LSP1: variants seen among roughly 807,000 people sequenced by gnomAD.
The protein encoded by LSP1 is lymphocyte-specific protein 1.
In LSP1, 32 loss-of-function variants were observed where a neutral mutation model predicts 49.3. The ratio of observed to expected loss-of-function variants is 0.65; its 90% CI spans 0.49 to 0.87. The LOEUF (loss-of-function observed/expected upper bound fraction) is 0.87, where lower values mean the gene tolerates loss of function less well. Ranked by LOEUF, LSP1 falls within the 40% of genes least tolerant of loss-of-function variation. LSP1 has a pLI of 0.00. For synonymous variants in LSP1, 179 were observed against 178.8 expected (o/e 1.00, Z -0.01); for missense variants, 428 against 442.6 (o/e 0.97, Z 0.30).
intron 1 of LSP1, among the ~76,000 whole-genome samples, chr11:1,860,665 T>C (rs1037536956): frequency 5.9e-5 from 9 of 152,256 alleles, no homozygotes; most frequent in African/African-American, 2.2e-4. Context: ...GCTGATTATA[T>C]ATATTCCTAT....
Position 1,884,269 on chromosome 11 carries a change from A to C in LSP1, c.592-11A>C, listed in dbSNP as rs1589830222. The C allele has an allele frequency of 1.2e-6, 2 of 1,613,414 alleles. No homozygotes were observed. Among genetic ancestry groups the C allele is most frequent in the Non-Finnish European group, 1.7e-6 (2 of 1,179,850 alleles). On this transcript the variant is annotated splice_polypyrimidine_tract_variant and intron_variant, in intron 5 of 10. Coordinates refer to ENST00000311604, the MANE Select transcript of LSP1 (RefSeq NM_002339.3). This position sits in a 1 kb window ranked among gnomAD's most constrained non-coding sequence, Gnocchi z 4.1. Reference sequence around the variant, plus strand: ...CTGCTGCAGGCCTGTGTCTCTCTCCACCCTCTGCAGCTCATCGACAGGACC... The same window carrying C: ...CTGCTGCAGGCCTGTGTCTCTCTCCCCCCTCTGCAGCTCATCGACAGGACC...
chr11:1,890,004 G>C (rs972537740), intron 10 of LSP1: 1 of 662,230 alleles, frequency 1.5e-6, no homozygotes. Context: ...GGGAGGCTCA[G>C]GGGTCCCATT....
chr11:1,889,308 G>C, intron 10 of LSP1: 1 of 706,876 alleles, frequency 1.4e-6, no homozygotes. Flanking sequence ...GCTGGCTGGG[G>C]TGTGCTCCCC....
chr11:1,889,972 A>T (rs1848924076), intron 10 of LSP1: 2 of 631,476 alleles, frequency 3.2e-6, no homozygotes, highest in Non-Finnish European at 5.8e-6. Context: ...TGGCTGTTGG[A>T]TCCCACTTCT....
intron 1 of LSP1, among the ~76,000 whole-genome samples, chr11:1,858,047 C>T (rs763577031): frequency 1.4e-4 from 22 of 152,200 alleles, no homozygotes; most frequent in African/African-American, 2.4e-5. Context: ...TGAACCACCG[C>T]GCCCTGCCTT....
In LSP1 at chr11:1,882,657, G is replaced by A. The variant is rs538358848; in HGVS notation, c.357-762G>A. Among the ~76,000 whole-genome samples the A allele has an allele frequency of 1.8e-3, 279 of 152,238 alleles. 1 individual carries two copies. The highest frequency in any genetic ancestry group is 0.018 in the Admixed American group (271 of 15,292). On this transcript the variant is annotated intron_variant, in intron 3 of 10. Coordinates refer to ENST00000311604, the MANE Select transcript of LSP1 (RefSeq NM_002339.3). Reference sequence around the variant, plus strand: ...TGACTCTTCCGTGGAGCCCAGCTCTGCGGCCGCCACCCCACCCCCTGCACC... The same window carrying A: ...TGACTCTTCCGTGGAGCCCAGCTCTACGGCCGCCACCCCACCCCCTGCACC...
At chr11:1,865,484 T>C (rs147777600) in intron 1 of LSP1, among the ~76,000 whole-genome samples, 127 of 151,568 alleles carry the variant, frequency 8.4e-4, no homozygotes, top group Middle Eastern at 6.8e-3. Context: ...GCCCATGCAT[T>C]CTCCTTCCCC....
At chr11:1,869,514 G>A (rs991459396) in intron 1 of LSP1, 4 of 406,300 alleles carry the variant, frequency 9.8e-6, no homozygotes, top group East Asian at 7.3e-5. Context: ...GCTGAGGTGC[G>A]AATGGAAGCT....
intron 7 of LSP1, among the ~76,000 whole-genome samples, chr11:1,885,209 C>T (rs1848706450): frequency 6.6e-6 from 1 of 151,768 alleles, no homozygotes; most frequent in African/African-American, 2.4e-5. Flanking sequence ...CTGACCAATA[C>T]CCTCCATCCA....
intron 1 of LSP1, chr11:1,865,289 A>G (rs1291078838): frequency 6.2e-6 from 6 of 965,664 alleles, no homozygotes; most frequent in Non-Finnish European, 7.4e-6. Context: ...CTGGCTGGGC[A>G]TGGAGGGCAG....
chr11:1,873,305 A>G (rs1848122770), intron 1 of LSP1, among the ~76,000 whole-genome samples: 1 of 152,068 alleles, frequency 6.6e-6, no homozygotes, highest in East Asian at 1.9e-4. Context: ...GGCGACCCCG[A>G]GGCTCAGAGC....
chr11:1,870,308 G>A lies in LSP1; in HGVS notation c.54-9779G>A, dbSNP rs1171710888. On this transcript the variant is annotated intron_variant, in intron 1 of 10. Transcript: ENST00000311604. ...GGCACCAAAGCTTACTCCCATCCTG[G>A]GGCTTGGCAGGGGGTGCCCGCAGCA... is the stretch of plus-strand genomic sequence containing the variant. The A allele has an allele frequency of 3.1e-6, 4 of 1,296,464 alleles. No individual in the cohort carries two copies. In the East Asian group the frequency reaches 2.2e-4, roughly 72 times the overall value. 80.3% of individuals were successfully genotyped at this position (1,296,464 alleles called of 1,614,324 possible). A position where few individuals can be genotyped will look rare whatever the true frequency, so the allele number is the denominator to read the frequency against.
intron 1 of LSP1, chr11:1,868,561 C>T: frequency 3.8e-6 from 3 of 786,224 alleles, no homozygotes; most frequent in Non-Finnish European, 3.1e-6. Context: ...TGGGCTGGCC[C>T]TGAGGGGGCT....
rs548480256 is a variant in LSP1, at chr11:1,883,687, G to A, written c.498+127G>A. ...AGTGGGTCAGCACCCCACACCCCTA[G>A]ACCTTGCAGCCCCTTCTGGGCCCAC... On this transcript the variant is annotated intron_variant, in intron 4 of 10. Transcript: ENST00000311604. The A allele has an allele frequency of 2.5e-6, 3 of 1,224,204 alleles. No individual in the cohort carries two copies. In the Admixed American group the frequency reaches 8.1e-5, roughly 33 times the overall value. The allele number at this position is 1,224,204 out of a possible 1,614,324, so 75.8% of individuals were successfully genotyped here. A position where few individuals can be genotyped will look rare whatever the true frequency, so the allele number is the denominator to read the frequency against.
At chr11:1,883,644 C>A (rs1185279109) in intron 4 of LSP1, 84 bp downstream of exon 4, 2 of 1,495,936 alleles carry the variant, frequency 1.3e-6, no homozygotes, top group South Asian at 1.3e-5. Context: ...CTCTGTGGGC[C>A]CTGTGGGTCT....
At chr11:1,868,476 C>T (rs1318702952) in intron 1 of LSP1, among the ~76,000 whole-genome samples, 3 of 152,230 alleles carry the variant, frequency 2.0e-5, no homozygotes, top group Non-Finnish European at 4.4e-5. Flanking sequence ...CAGGGACCCA[C>T]CCTGAGCAGC....
Position 1,876,379 on chromosome 11 carries a change from T to G in LSP1, c.54-3708T>G, listed in dbSNP as rs918404846. On this transcript the variant is annotated intron_variant, in intron 1 of 10. Coordinates refer to ENST00000311604, the MANE Select transcript of LSP1 (RefSeq NM_002339.3). The stretch of plus-strand genomic sequence containing the variant: ...GCCCAGCCCAGCTCCCCAGGCCTCC[T>G]GCCAGCTCCCTGTGGTGTCCAAGGG... The G allele has an allele frequency of 1.1e-5, 10 of 917,066 alleles. No individual in the cohort carries two copies. The African/African-American group carries it at 1.8e-4, about 16-fold the overall frequency. The allele number at this position is 917,066 out of a possible 1,614,324, so 56.8% of individuals were successfully genotyped here.
chr11:1,881,418 C>G lies in LSP1; in HGVS notation c.192-14C>G, dbSNP rs201600695. The G allele has an allele frequency of 1.6e-4, 256 of 1,558,832 alleles. 1 individual carries two copies. In the African/African-American group the frequency reaches 2.0e-3, roughly 12 times the overall value. On this transcript the variant is annotated splice_polypyrimidine_tract_variant and intron_variant, in intron 2 of 10. Transcript: ENST00000311604. ...GCAGCCGCCCAGGCCTAAGCTCCCC[C>G]CTGCTACCCTCAGCCTCAGCCTGAA...
intron 1 of LSP1, chr11:1,870,071 T>C (rs1847935101): frequency 2.2e-6 from 1 of 447,870 alleles, no homozygotes; most frequent in South Asian, 1.6e-5. Context: ...ACTGCGCCCC[T>C]GGCGACCATT....
Sources: gnomAD v4.1 joint callset for allele counts (sites outside exome capture counted in the v4.1 genomes callset) on GRCh38, gnomAD v4.1.1 for gene constraint, Gnocchi (gnomAD v3.1) non-coding constraint, MANE v1.5 for transcripts, NCBI Gene and HGNC (gene_info 2026-07-23, HGNC 2026-07-21) for gene names.